CCDC38: variants seen among roughly 807,000 people sequenced by gnomAD.
The protein encoded by CCDC38 is coiled-coil domain containing 38, also known as coiled-coil domain-containing protein 38.
CCDC38 carries 69 observed loss-of-function variants against 72.8 expected under a neutral mutation model. That is an observed-to-expected ratio of 0.95 (90% CI 0.78 to 1.16). CCDC38 has a LOEUF of 1.16. CCDC38 is among the 50% of genes most tolerant of loss of function. CCDC38 has a pLI of 0.00. For synonymous variants in CCDC38, 201 were observed against 213.2 expected (o/e 0.94, Z 0.50); for missense variants, 626 against 638.9 (o/e 0.98, Z 0.22).
At chr12:95,928,304 G>C (rs569838401) in intron 2 of CCDC38, among the ~76,000 whole-genome samples, 1 of 152,174 alleles carries the variant, frequency 6.6e-6, no homozygotes, top group Admixed American at 6.5e-5. Context: ...TTCCATCGCT[G>C]ATACCCTTTC....
chr12:95,896,339 C>T (rs981453154), intron 7 of CCDC38, among the ~76,000 whole-genome samples: 1 of 152,018 alleles, frequency 6.6e-6, no homozygotes. Flanking sequence ...CTTCACATTG[C>T]GTTATAGTAA....
chr12:95,918,929 A>G lies in CCDC38; in HGVS notation c.85T>C (p.Phe29Leu). ...TTGACAAGAAAGAGATCTCTGAAAAAGATCTTATAAGGCCTGTCCTCTTTG... is the reference window on the plus strand; with the variant it reads ...TTGACAAGAAAGAGATCTCTGAAAAGGATCTTATAAGGCCTGTCCTCTTTG... ...STKEDRPYKI[F>L]FRDLFLVKEN... Residue 29 changes from phenylalanine (F) to leucine (L), a missense_variant, in exon 3 of 16, where the codon TTT becomes CTT. Physicochemically the swap from Phe to Leu is conservative, Grantham distance 22. Transcript: ENST00000344280. 6.2e-7 allele frequency: 1 copy of G among 1,612,668 alleles called. No homozygotes were observed. Among genetic ancestry groups the G allele is most frequent in the Non-Finnish European group, 8.5e-7 (1 of 1,178,712 alleles).
At chr12:95,885,067 A>C (rs2079743478) in intron 10 of CCDC38, 1 of 152,234 alleles carries the variant, frequency 6.6e-6, no homozygotes, top group Non-Finnish European at 1.5e-5. Flanking sequence ...TAGCCAACAC[A>C]GTTTTGAAAA....
intron 2 of CCDC38, among the ~76,000 whole-genome samples, chr12:95,927,152 T>C (rs1435379849): frequency 6.6e-6 from 1 of 152,100 alleles, no homozygotes; most frequent in Non-Finnish European, 1.5e-5. Context: ...TGTTAAAGTC[T>C]CCCATTATTA....
At chr12:95,869,751 A>G in intron 14 of CCDC38, 178 bp from the exon 15 acceptor site, 1 of 542,148 alleles carries the variant, frequency 1.8e-6, no homozygotes, top group Non-Finnish European at 3.2e-6. Flanking sequence ...TCTCGACAAC[A>G]AATACTATTT....
At chr12:95,877,178 G>A (rs776272485) in intron 13 of CCDC38, among the ~76,000 whole-genome samples, 1 of 152,120 alleles carries the variant, frequency 6.6e-6, no homozygotes, top group Non-Finnish European at 1.5e-5. Flanking sequence ...CCCAACATCT[G>A]GACCCATTTA....
intron 13 of CCDC38, among the ~76,000 whole-genome samples, chr12:95,874,122 CAG>C (rs2079610750): frequency 1.3e-5 from 2 of 151,932 alleles, no homozygotes; most frequent in South Asian, 4.1e-4. Context: ...CTTGGAGACA[CAG>C]AAAAATATAA....
At chr12:95,936,567 CA>C in intron 1 of CCDC38, 44 bp from the exon 2 acceptor site, 1 of 1,542,048 alleles carries the variant, frequency 6.5e-7, no homozygotes, top group African/African-American at 1.4e-5. Flanking sequence ...ATTCTATGAA[CA>C]TCATATAAAA....
chr12:95,914,965 T>G (rs2080130022), intron 4 of CCDC38, among the ~76,000 whole-genome samples: 1 of 152,216 alleles, frequency 6.6e-6, no homozygotes, highest in Admixed American at 6.5e-5. Context: ...TCAAACATTT[T>G]TAATAGAAGA....
At chr12:95,882,081 ACC>A (rs2121433422) in intron 10 of CCDC38, among the ~76,000 whole-genome samples, 1 of 152,312 alleles carries the variant, frequency 6.6e-6, no homozygotes, top group Non-Finnish European at 1.5e-5. Context: ...ACAGTGAGAT[ACC>A]TCCTTAAAGC....
rs1481321217 is a variant in CCDC38 at position 95,898,616 on chromosome 12, T to A, written c.485A>T (p.Glu162Val). 2.8e-5 allele frequency: 45 copies of A among 1,614,096 alleles called. No homozygotes were observed. Among genetic ancestry groups the A allele is most frequent in the Non-Finnish European group, 3.4e-5 (40 of 1,180,036 alleles). The change falls in exon 6 of 16, where the codon GAA becomes GTA. Residue 162 changes from glutamate to valine, a missense_variant. Coordinates refer to ENST00000344280, the MANE Select transcript of CCDC38 (RefSeq NM_182496.3). The stretch of plus-strand genomic sequence containing the variant: ...CTGGTCATTTTCTCGAAGGAACTCT[T>A]CAAAGGCCAGTGCATCATCTTGGAG... ...KKLQDDALAFEEFLRENDQRS... is the reference protein window; with the variant it reads ...KKLQDDALAFVEFLRENDQRS...
chr12:95,934,715 A>G (rs1372209774), intron 2 of CCDC38: 1 of 132,934 alleles, frequency 7.5e-6, no homozygotes, highest in Non-Finnish European at 1.6e-5. Flanking sequence ...AAAAAAAAAA[A>G]CTAAATAACT....
chr12:95,884,996 T>C (rs1271398970), intron 10 of CCDC38, among the ~76,000 whole-genome samples: 4 of 152,220 alleles, frequency 2.6e-5, no homozygotes, highest in Admixed American at 2.6e-4. Context: ...TCCAGAAAGT[T>C]TTTTTGTAGA....
intron 7 of CCDC38, among the ~76,000 whole-genome samples, chr12:95,895,539 G>A (rs1352532800): frequency 6.6e-6 from 1 of 151,938 alleles, no homozygotes; most frequent in East Asian, 1.9e-4. Flanking sequence ...ATCACCTGAG[G>A]TCAGGAGTTC....
rs1375240401 is a variant in CCDC38 at position 95,885,541 on chromosome 12, G to A, written c.920+2917C>T. 4.8e-5 allele frequency: 8 copies of A among 168,064 alleles called. No individual in the cohort carries two copies. In the East Asian group the frequency reaches 1.2e-3, roughly 25 times the overall value. The allele number at this position is 168,064 out of a possible 1,614,324, so 10.4% of individuals were successfully genotyped here. On this transcript the variant is annotated intron_variant, in intron 10 of 15. Coordinates refer to ENST00000344280, the MANE Select transcript of CCDC38 (RefSeq NM_182496.3). ...AATTATGTTCCAAAGAAATGATGTT[G>A]CTATATTATCAGAGATCAGTTACAG... is the stretch of plus-strand genomic sequence containing the variant.
intron 4 of CCDC38, among the ~76,000 whole-genome samples, chr12:95,908,226 G>A (rs1231352638): frequency 6.6e-6 from 1 of 151,600 alleles, no homozygotes; most frequent in Non-Finnish European, 1.5e-5. Context: ...TCGGGAGGCC[G>A]AGGCTGGCGG....
intron 2 of CCDC38, among the ~76,000 whole-genome samples, chr12:95,925,903 G>A (rs1456882199): frequency 4.5e-5 from 6 of 132,972 alleles, no homozygotes; most frequent in African/African-American, 1.4e-4. Context: ...ACTTGATCAC[G>A]GTGGATAAGC....
At chr12:95,876,626 A>G (rs2079638520) in intron 13 of CCDC38, among the ~76,000 whole-genome samples, 1 of 152,020 alleles carries the variant, frequency 6.6e-6, no homozygotes, top group South Asian at 2.1e-4. Flanking sequence ...CTATCATCAC[A>G]CCTCTTGGCC....
chr12:95,878,008 C>CA (rs2079653890), intron 13 of CCDC38, among the ~76,000 whole-genome samples: 1 of 152,216 alleles, frequency 6.6e-6, no homozygotes, highest in Non-Finnish European at 1.5e-5. Context: ...AAGAGAACCC[C>CA]AATGCCAATT....
Sources: allele counts gnomAD v4.1 joint callset (sites outside exome capture counted in the v4.1 genomes callset), GRCh38; gene constraint gnomAD v4.1.1; transcripts MANE v1.5; gene names NCBI Gene and HGNC (gene_info 2026-07-23, HGNC 2026-07-21).